The following PHF21B variants were observed in gnomAD, a reference collection of about 807,000 sequenced individuals.
PHF21B encodes PHD finger protein 4.
PHF21B carries 22 observed loss-of-function variants against 62.2 expected under a neutral mutation model. That is an observed-to-expected ratio of 0.35 (90% CI 0.25 to 0.51). The LOEUF is 0.51. PHF21B is among the 20% of genes least tolerant of loss of function. The pLI, the probability that PHF21B is intolerant of heterozygous loss-of-function variation, is 0.97. For synonymous variants in PHF21B, 341 were observed against 314.7 expected (o/e 1.08, Z -0.88); for missense variants, 701 against 707.9 (o/e 0.99, Z 0.11).
At position 44,916,318 on chromosome 22, in the gene PHF21B, T is replaced by G; in HGVS notation, c.526A>C (p.Ile176Leu). 6.3e-7 allele frequency: 1 copy of G among 1,598,874 alleles called. No individual in the cohort carries two copies. Among genetic ancestry groups the G allele is most frequent in the Non-Finnish European group, 8.5e-7 (1 of 1,176,788 alleles). ...CTGATGAGGAGGGGCTGGACTTTGA[T>G]GCTGTCACTGACCACAGACACGGCG... ...STAVSVVSDS[I>L]KVQPLLISAD... is the part of the protein sequence containing the mutation. Residue 176 changes from isoleucine (I) to leucine (L), a missense_variant, in exon 4 of 13, where the codon ATC (isoleucine) becomes CTC (leucine). Transcript: ENST00000313237.
intron 2 of PHF21B, among the ~76,000 whole-genome samples, chr22:44,986,738 G>A (rs888171418): frequency 2.0e-5 from 3 of 152,064 alleles, no homozygotes; most frequent in African/African-American, 4.8e-5. Flanking sequence ...CACTGTGCTC[G>A]CTGGAGCCCC....
intron 4 of PHF21B, among the ~76,000 whole-genome samples, chr22:44,914,745 G>T (rs1601594088): frequency 6.6e-6 from 1 of 152,226 alleles, no homozygotes; most frequent in African/African-American, 2.4e-5. Context: ...CCACCCTGCA[G>T]CAGCCCCCCT....
At position 44,887,953 on chromosome 22, in the gene PHF21B, C is replaced by A; in HGVS notation, c.1197+10G>T. ...AGTCTGGGGTGAGGGGGTCACACAG[C>A]CTCCTGTACCTTCTGCTGGCACCTG... On this transcript the variant is annotated intron_variant, in intron 10 of 12. Transcript: ENST00000313237. 1.4e-6 allele frequency: 2 copies of A among 1,473,218 alleles called. No individual in the cohort carries two copies. The highest frequency in any genetic ancestry group is 1.8e-6 in the Non-Finnish European group (2 of 1,107,630). The allele number at this position is 1,473,218 out of a possible 1,614,324, so 91.3% of individuals were successfully genotyped here.
rs761328209 is a variant in PHF21B, at chr22:44,913,838, G to A, written c.815C>T (p.Thr272Ile). ...TKKKKEDRPPTQENPEKIAFM... is the reference protein window; with the variant it reads ...TKKKKEDRPPIQENPEKIAFM... ...CTGTCCTACCTCGGGGTTCTCCTGG[G>A]TCGGGGGCCGGTCTTCCTTCTTCTT... The change falls in exon 5 of 13, where the codon ACC becomes ATC. Residue 272 changes from threonine to isoleucine, a missense_variant. By Grantham distance (89) the Thr-to-Ile change is moderately conservative. Transcript: ENST00000313237. 5.6e-6 allele frequency: 9 copies of A among 1,613,514 alleles called. No homozygotes were observed. Among genetic ancestry groups the A allele is most frequent in the Admixed American group, 1.7e-5 (1 of 59,988 alleles).
intron 2 of PHF21B, among the ~76,000 whole-genome samples, chr22:44,956,113 C>A (rs972951881): frequency 6.6e-6 from 1 of 152,216 alleles, no homozygotes; most frequent in African/African-American, 2.4e-5. Context: ...GACGACACAG[C>A]GGTGGGAGCA....
intron 2 of PHF21B, among the ~76,000 whole-genome samples, chr22:44,947,587 C>T (rs914822758): frequency 1.3e-5 from 2 of 151,164 alleles, no homozygotes; most frequent in Non-Finnish European, 2.9e-5. Flanking sequence ...CCCCGCTCGG[C>T]AGCACAGGCA....
At position 44,913,982 on chromosome 22, in the gene PHF21B, G is replaced by C; in HGVS notation, c.671C>G (p.Pro224Arg). 6.2e-7 allele frequency: 1 copy of C among 1,609,238 alleles called. No homozygotes were observed. Among genetic ancestry groups the C allele is most frequent in the Non-Finnish European group, 8.5e-7 (1 of 1,176,342 alleles). The stretch of plus-strand genomic sequence containing the variant: ...GATGACCTGGAAGATGCCATGGAGG[G>C]GTGAAGGGGACAGTGATGGGGAGGG... The part of the protein sequence containing the change: ...TPPSPSLSPS[P>R]LHGIFQVIII... Residue 224 changes from proline to arginine, a missense_variant, in exon 5 of 13, where the codon CCC becomes CGC. By Grantham distance (103) the Pro-to-Arg change is moderately radical. Transcript: ENST00000313237.
chr22:44,917,164 T>A (rs1360643610), intron 3 of PHF21B, among the ~76,000 whole-genome samples: 2 of 152,094 alleles, frequency 1.3e-5, no homozygotes, highest in Non-Finnish European at 2.9e-5. Context: ...AGTGAAGGTG[T>A]GCAGAGGGCA....
chr22:44,889,014 C>A (rs1198194813), intron 9 of PHF21B, among the ~76,000 whole-genome samples: 1 of 152,244 alleles, frequency 6.6e-6, no homozygotes, highest in Non-Finnish European at 1.5e-5. Flanking sequence ...CAGATAAACA[C>A]TGCCAGGCCC....
chr22:44,930,442 G>A (rs2071718319), intron 2 of PHF21B, among the ~76,000 whole-genome samples: 1 of 152,154 alleles, frequency 6.6e-6, no homozygotes, highest in Admixed American at 6.5e-5. Flanking sequence ...GGAGACAGAG[G>A]GAGCTCTGTC....
At chr22:44,945,820 G>A (rs1037841914) in intron 2 of PHF21B, among the ~76,000 whole-genome samples, 7 of 152,120 alleles carry the variant, frequency 4.6e-5, no homozygotes, top group Non-Finnish European at 7.4e-5. Context: ...GCTCCAAAGG[G>A]GGCTGAGTGC....
Position 45,009,210 on chromosome 22 carries a change from G to A in PHF21B, c.54+286C>T. Reference sequence around the variant, plus strand: ...CCGGCTCACGAAGGGGCCCCCTCCAGGCACCCTCCCAGTCATGCAGACCCT... The same window carrying A: ...CCGGCTCACGAAGGGGCCCCCTCCAAGCACCCTCCCAGTCATGCAGACCCT... On this transcript the variant is annotated intron_variant, in intron 1 of 12. Coordinates refer to ENST00000313237, the MANE Select transcript of PHF21B (RefSeq NM_138415.5). This position sits in a 1 kb window ranked among gnomAD's most constrained non-coding sequence, Gnocchi z 5.9. 2.4e-6 allele frequency: 1 copy of A among 424,680 alleles called. No individual in the cohort carries two copies. The highest frequency in any genetic ancestry group is 4.0e-6 in the Non-Finnish European group (1 of 249,896). 26.3% of individuals were successfully genotyped at this position (424,680 alleles called of 1,614,324 possible).
chr22:44,884,285 CACCATTATCACCACCACCACCATCACT>C (rs1433010746), intron 12 of PHF21B, among the ~76,000 whole-genome samples: 9 of 130,726 alleles, frequency 6.9e-5, no homozygotes, highest in African/African-American at 2.7e-4. Flanking sequence ...CCACCATGAT[CACCATTATCACCACCACCACCATCACT>C]GTGATCAGCA....
rs77687956 is a variant in PHF21B at position 44,983,761 on chromosome 22, T to C, written c.120+24784A>G. On this transcript the variant is annotated intron_variant, in intron 2 of 12. Coordinates refer to ENST00000313237, the MANE Select transcript of PHF21B (RefSeq NM_138415.5). Reference sequence around the variant, plus strand: ...CAGACTGTTTACAAACTGCTACAGTTTTTACTTCCTGCTTTTTACTCAGAG... The same window carrying C: ...CAGACTGTTTACAAACTGCTACAGTCTTTACTTCCTGCTTTTTACTCAGAG... Among the ~76,000 whole-genome samples, 527 of 152,288 alleles carry C rather than the reference T, an allele frequency of 3.5e-3. 6 individuals are homozygous for C. Among genetic ancestry groups the C allele is most frequent in the African/African-American group, 0.012 (498 of 41,552 alleles).
chr22:44,927,674 G>A (rs2071659702), intron 2 of PHF21B, among the ~76,000 whole-genome samples: 1 of 152,136 alleles, frequency 6.6e-6, no homozygotes, highest in Non-Finnish European at 1.5e-5. Flanking sequence ...CTACCCGAGT[G>A]CGTTCTTCCA....
intron 10 of PHF21B, among the ~76,000 whole-genome samples, chr22:44,886,783 C>T (rs796158872): frequency 4.6e-5 from 7 of 152,144 alleles, no homozygotes; most frequent in Non-Finnish European, 7.3e-5. Context: ...CCCTGCCCAC[C>T]ATATCCACAG....
chr22:44,948,548 A>G (rs2072125564), intron 2 of PHF21B, among the ~76,000 whole-genome samples: 1 of 152,052 alleles, frequency 6.6e-6, no homozygotes, highest in South Asian at 2.1e-4. Context: ...ACATTTAGCT[A>G]GGTGTGGTGG....
intron 2 of PHF21B, chr22:44,970,960 T>A (rs1033075756): frequency 1.3e-5 from 2 of 152,206 alleles, no homozygotes; most frequent in African/African-American, 4.8e-5. Context: ...CTGGCCAGGA[T>A]GAGATCAGCT....
chr22:44,929,671 G>C (rs1371569499), intron 2 of PHF21B, among the ~76,000 whole-genome samples: 1 of 152,258 alleles, frequency 6.6e-6, no homozygotes, highest in African/African-American at 2.4e-5. Context: ...AAGGACCAGA[G>C]GGGAGGTCCC....
Sources: allele counts gnomAD v4.1 joint callset (sites outside exome capture counted in the v4.1 genomes callset), GRCh38; gene constraint gnomAD v4.1.1; non-coding constraint Gnocchi (gnomAD v3.1); transcripts MANE v1.5; gene names NCBI Gene and HGNC (gene_info 2026-07-23, HGNC 2026-07-21).